Variants in C2orf49 observed in about 807,000 individuals in gnomAD.
C2orf49 encodes tRNA-splicing ligase complex subunit ASW.
Under a neutral mutation model 20.6 loss-of-function variants are expected in C2orf49, and 11 were observed. The ratio of observed to expected loss-of-function variants is 0.53; its 90% confidence interval spans 0.34 to 0.88. C2orf49 has a LOEUF of 0.88. Ranked by LOEUF, C2orf49 falls within the 40% of genes least tolerant of loss-of-function variation. C2orf49 has a pLI of 0.02. For missense variants in C2orf49, 289 were observed against 274.2 expected (o/e 1.05, Z -0.38); for synonymous variants, 134 against 108.5 (o/e 1.24, Z -1.46).
chr2:105,340,388 G>A (rs768375208), intron 2 of C2orf49, among the ~76,000 whole-genome samples: 4 of 152,140 alleles, frequency 2.6e-5, no homozygotes, highest in African/African-American at 4.8e-5. Flanking sequence ...GAGGGGAAGC[G>A]GTGTGTATAA....
At chr2:105,361,586 T>A in the C2orf49 span, 1 of 648,712 alleles carries the variant, frequency 1.5e-6, no homozygotes, top group Non-Finnish European at 2.6e-6. Flanking sequence ...GGAATCCATA[T>A]GTAAATCAGA....
chr2:105,367,609 A>G, the C2orf49 span: 19 of 1,614,040 alleles, frequency 1.2e-5, no homozygotes, highest in East Asian at 3.8e-4. Context: ...GTTGTTTCTC[A>G]TAGCAGGGCA....
the C2orf49 span, chr2:105,373,689 G>A: frequency 1.2e-6 from 2 of 1,614,210 alleles, no homozygotes; most frequent in Non-Finnish European, 1.7e-6. Context: ...ACTGCGAGCA[G>A]TGGAAACAGG....
the C2orf49 span, among the ~76,000 whole-genome samples, chr2:105,365,674 C>CA: frequency 0.038 from 2,703 of 71,604 alleles, 44 homozygotes; most frequent in African/African-American, 0.083. Context: ...GTCTCTACTA[C>CA]AAAAAAAAAA....
chr2:105,369,704 T>C, the C2orf49 span, among the ~76,000 whole-genome samples: 23,329 of 152,272 alleles, frequency 0.15, 2,186 homozygotes, highest in South Asian at 0.22. Flanking sequence ...TGCATACTTT[T>C]GTCACTTGCT....
Position 105,341,925 on chromosome 2 carries a change from C to T in C2orf49, c.267-923C>T, listed in dbSNP as rs963084774. ...AAGAGCAGTGGCTCACGCCTGTAAT[C>T]CCAGCATGTTGGGAGGCGGGCGGAT... On this transcript the variant is annotated intron_variant, in intron 2 of 3. Transcript: ENST00000258457. 5.3e-5 allele frequency among the ~76,000 whole-genome samples: 8 copies of T among 152,198 alleles called. No individual in the cohort carries two copies. The South Asian group carries it at 1.4e-3, about 28-fold the overall frequency.
chr2:105,371,319 G>T, the C2orf49 span, among the ~76,000 whole-genome samples: 3 of 152,156 alleles, frequency 2.0e-5, no homozygotes, highest in Non-Finnish European at 4.4e-5. Flanking sequence ...CATCTAATCG[G>T]TAGTGGGCCT....
chr2:105,359,265 T>A, the C2orf49 span: 20 of 152,194 alleles, frequency 1.3e-4, no homozygotes, highest in Admixed American at 2.6e-4. Flanking sequence ...GAGGAACAAG[T>A]AAGATGTTCC....
At chr2:105,374,602 G>C in the C2orf49 span, 1 of 152,168 alleles carries the variant, frequency 6.6e-6, no homozygotes, top group Non-Finnish European at 1.5e-5. Flanking sequence ...TGAGAAGACA[G>C]ACGTGTGCTT....
the C2orf49 span, among the ~76,000 whole-genome samples, chr2:105,368,304 A>G: frequency 1.3e-5 from 2 of 152,156 alleles, no homozygotes; most frequent in Admixed American, 6.5e-5. Context: ...TATGCACTGT[A>G]CTAAGTGCTA....
the C2orf49 span, among the ~76,000 whole-genome samples, chr2:105,354,442 G>C: frequency 3.9e-5 from 6 of 152,016 alleles, no homozygotes; most frequent in African/African-American, 1.5e-4. Flanking sequence ...AGGTGGGCTG[G>C]TAACTTGAGG....
chr2:105,358,406 T>C, the C2orf49 span: 77 of 152,318 alleles, frequency 5.1e-4, no homozygotes, highest in African/African-American at 1.7e-3. Flanking sequence ...CTAAGCAGGC[T>C]AGGGTAGGGG....
In C2orf49 at chr2:105,337,824, G is replaced by A. The variant is rs1017549106; in HGVS notation, c.99+138G>A. 8 of 707,548 alleles carry A rather than the reference G, an allele frequency of 1.1e-5. No homozygotes were observed. In the African/African-American group the frequency reaches 1.4e-4, roughly 13 times the overall value. The allele number at this position is 707,548 out of a possible 1,614,324, so 43.8% of individuals were successfully genotyped here. A position where few individuals can be genotyped will look rare whatever the true frequency, so the allele number is the denominator to read the frequency against. On this transcript the variant is annotated intron_variant, in intron 1 of 3. Coordinates refer to ENST00000258457, the MANE Select transcript of C2orf49 (RefSeq NM_024093.3). ...TGTCACTCTCCACCCACACAGACCA[G>A]GCAGCTGTCTCCTCGCTCCTGCTCC...
At chr2:105,384,618 G>C in the C2orf49 span, among the ~76,000 whole-genome samples, 3 of 152,038 alleles carry the variant, frequency 2.0e-5, no homozygotes, top group Admixed American at 1.3e-4. Context: ...AGTGATTCTC[G>C]TGCCTCAGCC....
At chr2:105,355,962 A>G in the C2orf49 span, among the ~76,000 whole-genome samples, 3 of 152,330 alleles carry the variant, frequency 2.0e-5, no homozygotes, top group Admixed American at 2.0e-4. Context: ...TTAAGAAAAC[A>G]GACCAGGTGT....
rs1679837720 is a variant in C2orf49, at chr2:105,347,247, G to A, written c.*1876G>A. On this transcript the variant is annotated 3_prime_UTR_variant, in exon 4 of 4. Transcript: ENST00000258457. The stretch of plus-strand genomic sequence containing the variant: ...GGGCTGACAGACATAATGTTGGTGG[G>A]CAACTGTGATCCTATACATACATAT... 6.6e-6 allele frequency: 1 copy of A among 152,166 alleles called. No individual in the cohort carries two copies. The highest frequency in any genetic ancestry group is 1.5e-5 in the Non-Finnish European group (1 of 68,008). 9.4% of individuals were successfully genotyped at this position (152,166 alleles called of 1,614,324 possible). A position where few individuals can be genotyped will look rare whatever the true frequency, so the allele number is the denominator to read the frequency against.
intron 3 of C2orf49, among the ~76,000 whole-genome samples, 179 bp from the exon 4 acceptor site, chr2:105,345,136 A>G (rs1259390526): frequency 6.6e-6 from 1 of 152,224 alleles, no homozygotes; most frequent in Non-Finnish European, 1.5e-5. Flanking sequence ...AACTACACAC[A>G]TTTGAGAACC....
chr2:105,374,911 CCAGTTGGTAGGTATCCTGAA>C, the C2orf49 span, among the ~76,000 whole-genome samples: 2 of 152,170 alleles, frequency 1.3e-5, no homozygotes, highest in African/African-American at 4.8e-5. Context: ...GGGCAGGCTT[CCAGTTGGTAGGTATCCTGAA>C]CAGGGCACAG....
At chr2:105,366,610 C>T in the C2orf49 span, among the ~76,000 whole-genome samples, 228 of 152,336 alleles carry the variant, frequency 1.5e-3, 3 homozygotes, top group African/African-American at 5.2e-3. Context: ...AACTAAGCTA[C>T]ACCCTGAAGG....
Sources: gnomAD v4.1 joint callset for allele counts (sites outside exome capture counted in the v4.1 genomes callset) on GRCh38, gnomAD v4.1.1 for gene constraint, MANE v1.5 for transcripts, NCBI Gene and HGNC (gene_info 2026-07-23, HGNC 2026-07-21) for gene names.